The following SIGLEC5 variants were observed in gnomAD, a reference collection of about 807,000 sequenced individuals.
SIGLEC5 encodes sialic acid binding Ig like lectin 5, also known as sialic acid-binding Ig-like lectin 5.
In SIGLEC5, 34 loss-of-function variants were observed where a neutral mutation model predicts 45.9. That is an observed-to-expected ratio of 0.74 (90% CI 0.56 to 0.99). The LOEUF (loss-of-function observed/expected upper bound fraction) is 0.99. Ranked by LOEUF, SIGLEC5 falls within the 50% of genes least tolerant of loss-of-function variation. The probability of loss-of-function intolerance (pLI) is 0.00; values close to 1 mark genes in which losing one functional copy is unlikely to be tolerated. For synonymous variants in SIGLEC5, 203 were observed against 258.6 expected, an observed-to-expected ratio of 0.79 and a Z score of 2.06; for missense variants, 508 against 629.6, an observed-to-expected ratio of 0.81 and a Z score of 2.07.
At chr19:51,626,165 G>T in intron 7 of SIGLEC5, 52 bp from the exon 8 acceptor site, 1 of 1,465,044 alleles carries the variant, frequency 6.8e-7, no homozygotes, top group Non-Finnish European at 9.5e-7. Context: ...GCACGGGTTA[G>T]CGGGTTGTCC....
chr19:51,628,952 G>A, intron 4 of SIGLEC5, 86 bp downstream of exon 4: 2 of 1,313,044 alleles, frequency 1.5e-6, no homozygotes, highest in African/African-American at 1.5e-5. Context: ...TCCCAAATCT[G>A]ATTGCATTCA....
chr19:51,629,264 T>A, intron 3 of SIGLEC5, 94 bp downstream of exon 3: 1 of 1,427,652 alleles, frequency 7.0e-7, no homozygotes, highest in South Asian at 1.3e-5. Flanking sequence ...TTTCTCTCTG[T>A]CTTCCTTACA....
chr19:51,621,870 TA>T (rs1379461970), intron 8 of SIGLEC5, among the ~76,000 whole-genome samples: 1 of 152,194 alleles, frequency 6.6e-6, no homozygotes, highest in African/African-American at 2.4e-5. Context: ...AGATAGCATT[TA>T]CAATAGCAAC....
At chr19:51,624,287 T>C (rs1983397609) in intron 8 of SIGLEC5, among the ~76,000 whole-genome samples, 1 of 152,194 alleles carries the variant, frequency 6.6e-6, no homozygotes, top group South Asian at 2.1e-4. Flanking sequence ...TGATACCCTC[T>C]GTAGATTCAT....
chr19:51,626,817 G>A (rs1056762420), intron 7 of SIGLEC5, among the ~76,000 whole-genome samples: 14 of 152,234 alleles, frequency 9.2e-5, no homozygotes, highest in African/African-American at 3.4e-4. Flanking sequence ...TGGATGAATT[G>A]TACAAAACAT....
chr19:51,629,752 C>A lies in SIGLEC5; in HGVS notation c.421+81G>T, dbSNP rs543131875. 587 of 1,039,388 alleles carry A rather than the reference C, an allele frequency of 5.6e-4. 9 individuals carry two copies. The African/African-American group carries it at 8.3e-3, about 15-fold the overall frequency. The allele number at this position is 1,039,388 out of a possible 1,614,324, so 64.4% of individuals were successfully genotyped here. A position where few individuals can be genotyped will look rare whatever the true frequency, so the allele number is the denominator to read the frequency against. The stretch of plus-strand genomic sequence containing the variant: ...GCCCCAAGTCCTACACCTCCTCCAG[C>A]CGCCCCTGCCCAACTCCTGTCCCTG... On this transcript the variant is annotated intron_variant, in intron 2 of 8. Coordinates refer to ENST00000683636, the MANE Select transcript of SIGLEC5 (RefSeq NM_003830.4).
chr19:51,615,384 A>G (rs1023188263), intron 8 of SIGLEC5, among the ~76,000 whole-genome samples: 32 of 152,188 alleles, frequency 2.1e-4, no homozygotes, highest in African/African-American at 7.5e-4. Flanking sequence ...TAGCCCAAAC[A>G]TACTTGAATT....
Position 51,628,088 on chromosome 19 carries a change from A to G in SIGLEC5, c.743T>C (p.Leu248Pro). 1 of 1,530,052 alleles carries G rather than the reference A, an allele frequency of 6.5e-7. No homozygotes were observed. The highest frequency in any genetic ancestry group is 8.8e-7 in the Non-Finnish European group (1 of 1,138,046). 94.8% of individuals were successfully genotyped at this position (1,530,052 alleles called of 1,614,324 possible). ...TITIFRNGIALEILQNTSYLP... is the reference protein window; with the variant it reads ...TITIFRNGIAPEILQNTSYLP... ...GTATGAGGTGTTTTGCAGGATCTCT[A>G]GGGCTTTGGGGAGAGAAGGGTGGGG... The change falls in exon 5 of 9, where the codon CTA becomes CCA. Residue 248 changes from leucine (L) to proline (P), a missense_variant. By Grantham distance (98) the Leu-to-Pro change is moderately conservative (BLOSUM62 -3). Coordinates refer to ENST00000683636, the MANE Select transcript of SIGLEC5 (RefSeq NM_003830.4).
At chr19:51,623,009 A>G (rs4802830) in intron 8 of SIGLEC5, among the ~76,000 whole-genome samples, 19,786 of 152,144 alleles carry the variant, frequency 0.13, 1,355 homozygotes, top group Middle Eastern at 0.22. Context: ...TTCTTTATCC[A>G]TTCATCTATT....
rs964122560 is a variant in SIGLEC5 at position 51,611,314 on chromosome 19, C to G, written c.*917G>C. On this transcript the variant is annotated 3_prime_UTR_variant, in exon 9 of 9. Transcript: ENST00000683636. ...CTTTCTTCAGTCCACTCTTCCAACT[C>G]AAGACCACCCATTAACTCATGTTTG... is the stretch of plus-strand genomic sequence containing the variant. Among the ~76,000 whole-genome samples the G allele has an allele frequency of 6.6e-6, 1 of 152,206 alleles. No individual in the cohort carries two copies. The highest frequency in any genetic ancestry group is 6.5e-5 in the Admixed American group (1 of 15,284).
intron 8 of SIGLEC5, among the ~76,000 whole-genome samples, chr19:51,623,519 G>A (rs1329950592): frequency 6.6e-6 from 1 of 152,142 alleles, no homozygotes; most frequent in Non-Finnish European, 1.5e-5. Context: ...GTGTTTTATA[G>A]AAGATGAAAG....
Position 51,628,043 on chromosome 19 carries a change from T to C in SIGLEC5, c.788A>G (p.Gln263Arg), listed in dbSNP as rs61736487. The part of the protein sequence containing the change: ...NTSYLPVLEG[Q>R]ALRLLCDAPS... Reference sequence around the variant, plus strand: ...AGCATCACAGAGCAGCCGCAGAGCCTGGCCCTCCAGGACCGGAAGGTATGA... The same window carrying C: ...AGCATCACAGAGCAGCCGCAGAGCCCGGCCCTCCAGGACCGGAAGGTATGA... The change falls in exon 5 of 9, where the codon CAG becomes CGG. Residue 263 changes from glutamine to arginine, a missense_variant. Physicochemically the swap from Gln to Arg is conservative, Grantham distance 43. Around this residue, in one of 2 missense-constraint regions of SIGLEC5, gnomAD observed 431 missense variants for 428.8 expected, o/e 1.01. Coordinates refer to ENST00000683636, the MANE Select transcript of SIGLEC5 (RefSeq NM_003830.4). 2.5e-3 allele frequency: 3,948 copies of C among 1,591,478 alleles called. 105 individuals are homozygous for C. In the African/African-American group the frequency reaches 0.048, roughly 19 times the overall value.
chr19:51,630,026 G>A lies in SIGLEC5; in HGVS notation c.228C>T (p.Asn76=). Residue 76 remains asparagine (N), a synonymous_variant, in exon 2 of 9, where the codon AAC becomes AAT. Transcript: ENST00000683636. ...CTGGCTTCACTCTTCTGTCTGGGTT[G>A]TTTGTGGCCACAACCTCAGCGTAGT... ...IPYYAEVVAT[N]NPDRRVKPET... is the part of the protein sequence containing the mutation. 1 of 770,548 alleles carries A rather than the reference G, an allele frequency of 1.3e-6. No homozygotes were observed. The highest frequency in any genetic ancestry group is 2.6e-5 in the East Asian group (1 of 38,778). 47.7% of individuals were successfully genotyped at this position (770,548 alleles called of 1,614,324 possible).
intron 7 of SIGLEC5, among the ~76,000 whole-genome samples, chr19:51,626,674 A>G (rs1232847338): frequency 6.6e-6 from 1 of 152,146 alleles, no homozygotes. Flanking sequence ...CAGGAGTGAT[A>G]GCTAAGGGGT....
chr19:51,612,417 G>A lies in SIGLEC5; in HGVS notation c.1470C>T (p.Ser490=), dbSNP rs1467206510. ...DPIMGTITSG[S]RKKPWPDSPG... is the part of the protein sequence containing the mutation. ...GGCTGTCTGGCCAGGGCTTCTTCCT[G>A]GAACCCTGAGTAAAGGGGAAGGAAA... The change falls in exon 9 of 9, where the codon TCC becomes TCT. Residue 490 remains serine (S), a synonymous_variant. Transcript: ENST00000683636. The A allele has an allele frequency of 6.2e-7, 1 of 1,607,410 alleles. No homozygotes were observed. Among genetic ancestry groups the A allele is most frequent in the South Asian group, 1.1e-5 (1 of 90,092 alleles).
At chr19:51,627,072 G>A (rs915166553) in intron 7 of SIGLEC5, 77 bp downstream of exon 7, 1 of 1,145,784 alleles carries the variant, frequency 8.7e-7, no homozygotes, top group Non-Finnish European at 1.3e-6. Flanking sequence ...TCTGGCCTTA[G>A]CTCTGTGTTT....
intron 3 of SIGLEC5, 125 bp from the exon 4 acceptor site, chr19:51,629,201 C>T (rs1983630517): frequency 3.3e-6 from 5 of 1,525,576 alleles, no homozygotes; most frequent in South Asian, 1.2e-5. Context: ...TCTCACTCCC[C>T]GCAGATCCCA....
chr19:51,619,461 A>C (rs1160612454), intron 8 of SIGLEC5, among the ~76,000 whole-genome samples: 2 of 152,218 alleles, frequency 1.3e-5, no homozygotes, highest in African/African-American at 4.8e-5. Context: ...AGTCTCAACA[A>C]ATTTTAAAAG....
chr19:51,612,619 C>A (rs1158286916), intron 8 of SIGLEC5, among the ~76,000 whole-genome samples, 197 bp from the exon 9 acceptor site: 4 of 152,200 alleles, frequency 2.6e-5, no homozygotes, highest in Non-Finnish European at 5.9e-5. Context: ...GTGGTTAATC[C>A]AAATGTCTGC....
Sources: allele counts gnomAD v4.1 joint callset (sites outside exome capture counted in the v4.1 genomes callset), GRCh38; gene constraint gnomAD v4.1.1; regional missense constraint gnomAD v4.1.1; transcripts MANE v1.5; gene names NCBI Gene and HGNC (gene_info 2026-07-23, HGNC 2026-07-21).